UPRT: variants seen among roughly 807,000 people sequenced by gnomAD.
UPRT encodes the protein uracil phosphoribosyltransferase homolog.
A neutral mutation model predicts 22.6 loss-of-function variants in UPRT; 5 were observed. That is an observed-to-expected ratio of 0.22 (90% CI 0.12 to 0.47). The LOEUF (loss-of-function observed/expected upper bound fraction) is 0.47, where lower values mean the gene tolerates loss of function less well. Ranked by LOEUF, UPRT falls within the 20% of genes least tolerant of loss-of-function variation. UPRT has a pLI of 0.99. For missense variants in UPRT, 181 were observed against 239.9 expected (o/e 0.75, Z 1.62); for synonymous variants, 77 against 87.7 (o/e 0.88, Z 0.68).
At chrX:75,185,806 C>T (rs1265331395) in intron 4 of UPRT, among the ~76,000 whole-genome samples, 16 of 111,497 alleles carry the variant, frequency 1.4e-4, no homozygotes, top group East Asian at 8.5e-4. Flanking sequence ...AGTTTATTTG[C>T]GTAGCGGTGT....
Position 75,297,700 on chromosome X carries a change from T to C in UPRT, c.562+147T>C, listed in dbSNP as rs1195089320. 1.4e-5 allele frequency: 9 copies of C among 646,725 alleles called. No individual in the cohort carries two copies. In the South Asian group the frequency reaches 2.1e-4, roughly 15 times the overall value. The allele number at this position is 646,725 out of a possible 1,213,427, so 53.3% of individuals were successfully genotyped here. On this transcript the variant is annotated intron_variant, in intron 4 of 6. Transcript: ENST00000373383. ...TGTGTTATCTAGCCTCATGGTGCTG[T>C]GGAGTCATGGCCTGTGTGAGGCTAG... is the stretch of plus-strand genomic sequence containing the variant.
At chrX:75,300,026 C>A in intron 5 of UPRT, 130 bp downstream of exon 5, 1 of 769,541 alleles carries the variant, frequency 1.3e-6, no homozygotes, top group Non-Finnish European at 1.9e-6. Flanking sequence ...GGGAAAACTG[C>A]CCCAGGCAGT....
intron 4 of UPRT, among the ~76,000 whole-genome samples, chrX:75,173,150 A>T (rs1020910498): frequency 8.9e-6 from 1 of 112,172 alleles, no homozygotes; most frequent in Non-Finnish European, 1.9e-5. Flanking sequence ...CTAAGGCCCT[A>T]CTAGAGCAGC....
intron 4 of UPRT, among the ~76,000 whole-genome samples, chrX:75,239,775 G>C: frequency 9.0e-6 from 1 of 111,362 alleles, no homozygotes; most frequent in East Asian, 2.8e-4. Context: ...TTCATACCAG[G>C]GATGCAGAGT....
intron 4 of UPRT, among the ~76,000 whole-genome samples, chrX:75,213,816 A>G (rs2082385776): frequency 8.9e-6 from 1 of 112,172 alleles, no homozygotes; most frequent in African/African-American, 3.2e-5. Context: ...CGATAGCATC[A>G]AAATACATGA....
At chrX:75,185,284 G>GT (rs1420440631) in intron 4 of UPRT, among the ~76,000 whole-genome samples, 2 of 111,903 alleles carry the variant, frequency 1.8e-5, no homozygotes, top group East Asian at 5.6e-4. Context: ...ATAATCATGT[G>GT]TTTTTTGTCT....
intron 4 of UPRT, among the ~76,000 whole-genome samples, chrX:75,202,977 T>A (rs551923456): frequency 9.0e-6 from 1 of 111,627 alleles, no homozygotes; most frequent in Admixed American, 9.5e-5. Flanking sequence ...ATGGACTGAA[T>A]GCCCCAATTA....
chrX:75,229,459 C>A (rs780479045), intron 4 of UPRT, among the ~76,000 whole-genome samples: 4 of 111,493 alleles, frequency 3.6e-5, no homozygotes, highest in Non-Finnish European at 5.7e-5. Flanking sequence ...AGGAACATAC[C>A]AGGAAAACTG....
chrX:75,213,721 A>C (rs1267891225), intron 4 of UPRT, among the ~76,000 whole-genome samples: 1 of 112,022 alleles, frequency 8.9e-6, no homozygotes, highest in African/African-American at 3.2e-5. Context: ...GCAAAAAAAA[A>C]GTATCAGGAT....
At chrX:75,294,268 T>C (rs1257727295) in intron 2 of UPRT, among the ~76,000 whole-genome samples, 1 of 111,281 alleles carries the variant, frequency 9.0e-6, no homozygotes, top group Non-Finnish European at 1.9e-5. Context: ...ATATTTATAT[T>C]CAGTGTATAT....
intron 4 of UPRT, among the ~76,000 whole-genome samples, chrX:75,197,337 C>CAT: frequency 9.0e-6 from 1 of 111,445 alleles, no homozygotes; most frequent in East Asian, 2.8e-4. Context: ...TATGAATTCA[C>CAT]AGTTAAAAGT....
upstream of UPRT, among the ~76,000 whole-genome samples, chrX:75,270,428 T>A (rs1049484344): frequency 1.8e-5 from 2 of 111,794 alleles, no homozygotes; most frequent in African/African-American, 6.5e-5. Flanking sequence ...GGATTATAAA[T>A]CATTCTACTA....
chrX:75,158,227 C>G (rs1402258114), intron 1 of UPRT, among the ~76,000 whole-genome samples: 1 of 111,500 alleles, frequency 9.0e-6, no homozygotes, highest in African/African-American at 3.3e-5. Flanking sequence ...ATAAGAGTTG[C>G]ACACTGCTGG....
At chrX:75,187,162 G>C (rs183442706) in intron 4 of UPRT, among the ~76,000 whole-genome samples, 2 of 111,612 alleles carry the variant, frequency 1.8e-5, no homozygotes, top group African/African-American at 3.3e-5. Flanking sequence ...AGGTGGTACC[G>C]GTTGTTTCTT....
At chrX:75,185,008 T>G (rs939557212) in intron 4 of UPRT, among the ~76,000 whole-genome samples, 1 of 111,249 alleles carries the variant, frequency 9.0e-6, no homozygotes, top group Non-Finnish European at 1.9e-5. Flanking sequence ...TGAATACCCT[T>G]TGTTTCCTTC....
chrX:75,239,752 T>G (rs1053467701), intron 4 of UPRT, among the ~76,000 whole-genome samples: 1 of 111,539 alleles, frequency 9.0e-6, no homozygotes, highest in African/African-American at 3.3e-5. Context: ...TAATACATCA[T>G]GATTAAGTGG....
chrX:75,256,684 G>C (rs2082550806), intron 4 of UPRT, among the ~76,000 whole-genome samples: 1 of 111,872 alleles, frequency 8.9e-6, no homozygotes, highest in Non-Finnish European at 1.9e-5. Context: ...TGAAATGGGA[G>C]ATATTACAAC....
intron 4 of UPRT, among the ~76,000 whole-genome samples, chrX:75,212,538 C>A (rs2082382815): frequency 8.9e-6 from 1 of 111,801 alleles, no homozygotes; most frequent in Non-Finnish European, 1.9e-5. Flanking sequence ...TGGAATCAAC[C>A]CAAAGGCCCA....
At chrX:75,215,868 T>C (rs1326268694) in intron 4 of UPRT, among the ~76,000 whole-genome samples, 2 of 111,331 alleles carry the variant, frequency 1.8e-5, no homozygotes, top group Non-Finnish European at 3.8e-5. Context: ...TTAAAATATA[T>C]TAAATAAATA....
Sources: allele counts gnomAD v4.1 joint callset (sites outside exome capture counted in the v4.1 genomes callset), GRCh38; gene constraint gnomAD v4.1.1; transcripts MANE v1.5; gene names NCBI Gene and HGNC (gene_info 2026-07-23, HGNC 2026-07-21).